Variants in CLSTN2 observed in about 807,000 individuals in gnomAD.
CLSTN2 encodes calsyntenin-2.
In CLSTN2, 48 loss-of-function variants were observed where a neutral mutation model predicts 101.2. That is an observed-to-expected ratio of 0.47 (90% CI 0.38 to 0.60). The LOEUF is 0.60. Among genes scored for constraint, CLSTN2 ranks in the 20% least tolerant of loss-of-function variants. The probability of loss-of-function intolerance (pLI) is 0.00; values close to 1 mark genes in which losing one functional copy is unlikely to be tolerated. For missense variants in CLSTN2, 1,160 were observed against 1,238.2 expected, an observed-to-expected ratio of 0.94 and a Z score of 0.95; for synonymous variants, 481 against 463.6, an observed-to-expected ratio of 1.04 and a Z score of -0.48.
Position 140,373,216 on chromosome 3 carries a change from A to C in CLSTN2, c.233-30413A>C, listed in dbSNP as rs2087878249. 2.0e-5 allele frequency among the ~76,000 whole-genome samples: 3 copies of C among 152,238 alleles called. No individual in the cohort carries two copies. The South Asian group carries it at 6.2e-4, about 32-fold the overall frequency. On this transcript the variant is annotated intron_variant, in intron 2 of 16. Coordinates refer to ENST00000458420, the MANE Select transcript of CLSTN2 (RefSeq NM_022131.3). ...TGTATAACATTAAGAAAAAGCAGCC[A>C]TGCCCTGGCAAATTCTGTCACAATT...
At chr3:140,476,437 C>G (rs982086329) in intron 8 of CLSTN2, among the ~76,000 whole-genome samples, 3 of 152,190 alleles carry the variant, frequency 2.0e-5, no homozygotes, top group Non-Finnish European at 4.4e-5. Context: ...TTCCACATCT[C>G]TCATCTGAGA....
intron 2 of CLSTN2, among the ~76,000 whole-genome samples, chr3:140,293,368 T>A (rs1361621253): frequency 6.6e-6 from 1 of 152,286 alleles, no homozygotes; most frequent in East Asian, 1.9e-4. Flanking sequence ...CAGGCAAGGC[T>A]GTGAATTATC....
At chr3:140,370,710 C>G (rs547049268) in intron 2 of CLSTN2, among the ~76,000 whole-genome samples, 1 of 152,158 alleles carries the variant, frequency 6.6e-6, no homozygotes, top group Non-Finnish European at 1.5e-5. Flanking sequence ...AAAAGAGAAC[C>G]ATTGGGCCTG....
intron 2 of CLSTN2, among the ~76,000 whole-genome samples, chr3:140,274,596 G>T (rs769123577): frequency 6.6e-6 from 1 of 152,144 alleles, no homozygotes; most frequent in Non-Finnish European, 1.5e-5. Flanking sequence ...CAGGCATGTT[G>T]TCCACCAGGT....
rs930344457 is a variant in CLSTN2, at chr3:140,159,374, A to T, written c.110-16577A>T. Reference sequence around the variant, plus strand: ...AAATAGACCAAGGACATGAACAGACACTTCTCAAAAGAAGATATACAAGCA... The same window carrying T: ...AAATAGACCAAGGACATGAACAGACTCTTCTCAAAAGAAGATATACAAGCA... On this transcript the variant is annotated intron_variant, in intron 1 of 16. Transcript: ENST00000458420. Among the ~76,000 whole-genome samples the T allele has an allele frequency of 1.7e-4, 26 of 152,154 alleles. 1 individual carries two copies. The highest frequency in any genetic ancestry group is 7.7e-4 in the East Asian group (4 of 5,198).
chr3:140,054,794 TG>T (rs945897482), intron 1 of CLSTN2, among the ~76,000 whole-genome samples: 3 of 152,190 alleles, frequency 2.0e-5, no homozygotes, highest in Non-Finnish European at 2.9e-5. Context: ...GTAGACTTTT[TG>T]GGGTAGGAAA....
intron 2 of CLSTN2, among the ~76,000 whole-genome samples, chr3:140,367,218 T>C (rs990779639): frequency 2.0e-5 from 3 of 152,004 alleles, no homozygotes; most frequent in Non-Finnish European, 2.9e-5. Context: ...CACTTGATCT[T>C]AGCCAAAAGA....
chr3:140,014,694 G>A (rs2007161329), intron 1 of CLSTN2, among the ~76,000 whole-genome samples: 1 of 152,146 alleles, frequency 6.6e-6, no homozygotes, highest in South Asian at 2.1e-4. Context: ...GAACTGCAGG[G>A]AGGCCCATAT....
intron 5 of CLSTN2, among the ~76,000 whole-genome samples, chr3:140,424,978 C>T (rs960416892): frequency 6.6e-6 from 1 of 152,286 alleles, no homozygotes; most frequent in South Asian, 2.1e-4. Context: ...GTGCATTTGC[C>T]AGACGTAATT....
intron 2 of CLSTN2, among the ~76,000 whole-genome samples, chr3:140,298,920 G>C (rs569885121): frequency 1.3e-5 from 2 of 152,162 alleles, no homozygotes; most frequent in South Asian, 2.1e-4. Flanking sequence ...TCTGAGATCC[G>C]GGAATAGGCT....
intron 2 of CLSTN2, among the ~76,000 whole-genome samples, chr3:140,394,430 G>A (rs540402011): frequency 6.6e-6 from 1 of 152,184 alleles, no homozygotes; most frequent in African/African-American, 2.4e-5. Flanking sequence ...CAGAGGACAA[G>A]GCCTTGTCTC....
intron 1 of CLSTN2, among the ~76,000 whole-genome samples, chr3:140,172,993 C>T (rs555421349): frequency 2.6e-5 from 4 of 152,272 alleles, no homozygotes; most frequent in African/African-American, 7.2e-5. Context: ...AATCTCATGT[C>T]CTCACATTTC....
intron 2 of CLSTN2, among the ~76,000 whole-genome samples, chr3:140,253,400 C>T (rs1162896405): frequency 6.6e-6 from 1 of 152,184 alleles, no homozygotes; most frequent in Non-Finnish European, 1.5e-5. Context: ...GTGCATGTGG[C>T]ACTGGAGGAG....
At chr3:139,965,137 T>C (rs1379459321) in intron 1 of CLSTN2, among the ~76,000 whole-genome samples, 1 of 152,236 alleles carries the variant, frequency 6.6e-6, no homozygotes, top group Non-Finnish European at 1.5e-5. Context: ...GAAAATGCTG[T>C]TCTGAAATTC....
intron 1 of CLSTN2, among the ~76,000 whole-genome samples, chr3:140,091,574 T>C (rs766079203): frequency 5.9e-5 from 9 of 152,230 alleles, no homozygotes; most frequent in Non-Finnish European, 1.3e-4. Flanking sequence ...GCTGACTTGC[T>C]GCACTTCTCT....
chr3:139,951,519 G>T (rs1033609850), intron 1 of CLSTN2, among the ~76,000 whole-genome samples: 1 of 152,186 alleles, frequency 6.6e-6, no homozygotes, highest in African/African-American at 2.4e-5. Flanking sequence ...TAAGCATGGG[G>T]ACATCTTGTG....
intron 1 of CLSTN2, among the ~76,000 whole-genome samples, chr3:140,155,027 A>G (rs1006676009): frequency 1.3e-5 from 2 of 152,196 alleles, no homozygotes; most frequent in East Asian, 3.9e-4. Flanking sequence ...ACATGTGGGG[A>G]TTACAATTCA....
intron 1 of CLSTN2, among the ~76,000 whole-genome samples, chr3:140,166,076 T>C (rs567963340): frequency 6.6e-6 from 1 of 152,308 alleles, no homozygotes; most frequent in East Asian, 1.9e-4. Context: ...GGCAGATGGC[T>C]GTCTCTCATT....
intron 2 of CLSTN2, among the ~76,000 whole-genome samples, chr3:140,328,897 C>T (rs369358146): frequency 7.5e-4 from 114 of 152,190 alleles, no homozygotes; most frequent in African/African-American, 2.3e-3. Flanking sequence ...CACTTTACTC[C>T]GCATTTTCTA....
Sources: allele counts gnomAD v4.1 joint callset (sites outside exome capture counted in the v4.1 genomes callset), GRCh38; gene constraint gnomAD v4.1.1; transcripts MANE v1.5; gene names NCBI Gene and HGNC (gene_info 2026-07-23, HGNC 2026-07-21).